Variants in CTBP2 observed in about 807,000 individuals in gnomAD.
The protein encoded by CTBP2 is C-terminal-binding protein 2.
In CTBP2, 30 loss-of-function variants were observed where a neutral mutation model predicts 80.3. The observed-to-expected ratio is 0.37, with a 90% CI of 0.28 to 0.51. The LOEUF (loss-of-function observed/expected upper bound fraction) is 0.51. Among genes scored for constraint, CTBP2 ranks in the 20% least tolerant of loss-of-function variants. CTBP2 has a pLI of 0.93. For missense variants in CTBP2, 1,212 were observed against 1,375.3 expected, an observed-to-expected ratio of 0.88 and a Z score of 1.88; for synonymous variants, 594 against 587.4, an observed-to-expected ratio of 1.01 and a Z score of -0.16.
chr10:125,046,537 C>CAA (rs57913854), intron 2 of CTBP2, among the ~76,000 whole-genome samples: 6 of 114,772 alleles, frequency 5.2e-5, no homozygotes, highest in African/African-American at 1.0e-4. Flanking sequence ...GACTCTATCT[C>CAA]AAAAAAAAAA....
At chr10:125,143,768 G>C (rs1858259698) in intron 1 of CTBP2, among the ~76,000 whole-genome samples, 1 of 152,064 alleles carries the variant, frequency 6.6e-6, no homozygotes, top group African/African-American at 2.4e-5. Flanking sequence ...TGTGAAAACA[G>C]ATAGGTATTC....
chr10:124,987,377 T>TAA lies in CTBP2; in HGVS notation c.*2139_*2140dup, dbSNP rs1952079527. 6.6e-6 allele frequency: 1 copy of TAA among 151,710 alleles called. No homozygotes were observed. The highest frequency in any genetic ancestry group is 1.5e-5 in the Non-Finnish European group (1 of 67,958). 9.4% of individuals were successfully genotyped at this position (151,710 alleles called of 1,614,324 possible). A position where few individuals can be genotyped will look rare whatever the true frequency, so the allele number is the denominator to read the frequency against. On this transcript the variant is annotated 3_prime_UTR_variant, in exon 9 of 9. Coordinates refer to ENST00000309035, the MANE Select transcript of CTBP2 (RefSeq NM_022802.3). ...GGGGTCAAATTTATATATATATATA[T>TAA]AAATTTTTGTTTGGGCGACCAAGAT...
upstream of CTBP2, among the ~76,000 whole-genome samples, chr10:125,031,863 T>C (rs986208886): frequency 3.3e-5 from 5 of 152,218 alleles, no homozygotes; most frequent in African/African-American, 1.2e-4. Context: ...GTCGAGTGTC[T>C]GAACCAACCC....
At chr10:125,022,610 GGGTCCTGGGGGCAGCCCGGAAGA>G (rs1174763786) in intron 1 of CTBP2, among the ~76,000 whole-genome samples, 2 of 152,244 alleles carry the variant, frequency 1.3e-5, no homozygotes, top group African/African-American at 4.8e-5. Context: ...CAGGACTCAG[GGGTCCTGGGGGCAGCCCGGAAGA>G]GGTTTCCTTG....
At chr10:125,088,472 C>T (rs1848319177) in intron 2 of CTBP2, among the ~76,000 whole-genome samples, 1 of 152,152 alleles carries the variant, frequency 6.6e-6, no homozygotes, top group African/African-American at 2.4e-5. Flanking sequence ...CTTCTAATAC[C>T]CGCCATGCAA....
At chr10:125,147,448 C>T (rs916489255) in intron 1 of CTBP2, among the ~76,000 whole-genome samples, 1 of 152,136 alleles carries the variant, frequency 6.6e-6, no homozygotes, top group African/African-American at 2.4e-5. Flanking sequence ...GTAGTAACAT[C>T]CCACAGACTA....
chr10:125,036,886 C>T (rs1472754453), intron 3 of CTBP2, among the ~76,000 whole-genome samples: 1 of 152,102 alleles, frequency 6.6e-6, no homozygotes, highest in Non-Finnish European at 1.5e-5. Context: ...TGCCACCTGT[C>T]CTGACCCATA....
chr10:125,066,456 G>A lies in CTBP2; in HGVS notation c.-101-27301C>T, dbSNP rs958946147. Among the ~76,000 whole-genome samples, 1 of 152,228 alleles carries A rather than the reference G, an allele frequency of 6.6e-6. No individual in the cohort carries two copies. Among genetic ancestry groups the A allele is most frequent in the Non-Finnish European group, 1.5e-5 (1 of 68,044 alleles). On this transcript the variant is annotated intron_variant, in intron 2 of 10. Coordinates refer to the CTBP2 transcript ENST00000337195. This position sits in a 1 kb window ranked among gnomAD's most constrained non-coding sequence, Gnocchi z 4.1. ...CGGAAGGCAAGCAGGGTGCGCAGATGTAACGGGGGAAGCAGGCACGGCCAA... is the reference window on the plus strand; with the variant it reads ...CGGAAGGCAAGCAGGGTGCGCAGATATAACGGGGGAAGCAGGCACGGCCAA...
At position 125,005,625 on chromosome 10, in the gene CTBP2, C is replaced by T. The variant is rs761300275; in HGVS notation, c.1679-2133G>A. On this transcript the variant is annotated intron_variant, in intron 1 of 8. Transcript: ENST00000309035. ...CCCCTCAGCTCATCCGCGAGATCCG[C>T]AACAGCACCGTCACCTGACGAGGAA... 5 of 1,612,794 alleles carry T rather than the reference C, an allele frequency of 3.1e-6. No individual in the cohort carries two copies. In the African/African-American group the frequency reaches 5.3e-5, roughly 17 times the overall value.
intron 2 of CTBP2, among the ~76,000 whole-genome samples, chr10:125,107,262 G>A (rs773076831): frequency 6.6e-6 from 1 of 152,224 alleles, no homozygotes; most frequent in Admixed American, 6.5e-5. Context: ...AAGGCCCTGT[G>A]GATCTTCCTC....
rs1407729851 is a variant in CTBP2 at position 125,038,763 on chromosome 10, C to G, written c.58+234G>C. ...GACATAGACCTCAGGGCCCACCAGC[C>G]CTGAAACTGTCCTCCTAGTCCCCAA... On this transcript the variant is annotated intron_variant, in intron 3 of 10. Coordinates refer to the CTBP2 transcript ENST00000337195. 2.6e-5 allele frequency among the ~76,000 whole-genome samples: 4 copies of G among 152,192 alleles called. No individual in the cohort carries two copies. The East Asian group carries it at 7.7e-4, about 29-fold the overall frequency.
chr10:124,992,877 C>A, intron 7 of CTBP2, 65 bp from the exon 10 acceptor site: 5 of 1,211,532 alleles, frequency 4.1e-6, no homozygotes, highest in Non-Finnish European at 5.9e-6. Flanking sequence ...CAACATTACA[C>A]CTGTAGCTGC....
intron 1 of CTBP2, among the ~76,000 whole-genome samples, chr10:125,014,257 C>T (rs1470808261): frequency 6.6e-6 from 1 of 152,152 alleles, no homozygotes; most frequent in African/African-American, 2.4e-5. Flanking sequence ...TGATAAGAAA[C>T]CTTGTCCTAA....
chr10:125,038,241 C>G (rs1959077940), intron 3 of CTBP2, among the ~76,000 whole-genome samples: 1 of 152,164 alleles, frequency 6.6e-6, no homozygotes, highest in Non-Finnish European at 1.5e-5. Context: ...GGGTCAGCTA[C>G]TAAACTTCAG....
intron 1 of CTBP2, among the ~76,000 whole-genome samples, chr10:125,007,129 T>C (rs1955349412): frequency 6.6e-6 from 1 of 152,246 alleles, no homozygotes; most frequent in South Asian, 2.1e-4. Flanking sequence ...ACCTGCCTTG[T>C]CCATTTCAGG....
chr10:125,131,265 A>C (rs956894862), intron 1 of CTBP2, among the ~76,000 whole-genome samples: 13 of 152,204 alleles, frequency 8.5e-5, no homozygotes, highest in African/African-American at 2.9e-4. Context: ...GAGCGTCTTC[A>C]TGGCTGCCAC....
intron 1 of CTBP2, among the ~76,000 whole-genome samples, chr10:125,018,623 CTCAG>C (rs1342094555): frequency 2.0e-5 from 3 of 152,200 alleles, no homozygotes; most frequent in African/African-American, 4.8e-5. Context: ...ATTTACTGAA[CTCAG>C]TCAGGGCCCT....
chr10:125,080,321 A>C (rs1353455924), intron 2 of CTBP2, among the ~76,000 whole-genome samples: 1 of 151,540 alleles, frequency 6.6e-6, no homozygotes, highest in Non-Finnish European at 1.5e-5. Context: ...GTCAACCAAG[A>C]CATCTGTCAC....
chr10:125,014,954 C>T (rs747624629), intron 1 of CTBP2, among the ~76,000 whole-genome samples: 11 of 152,188 alleles, frequency 7.2e-5, no homozygotes, highest in African/African-American at 2.4e-4. Flanking sequence ...GAAAAGTGAG[C>T]GTTCGTCAAC....
Sources: allele counts gnomAD v4.1 joint callset (sites outside exome capture counted in the v4.1 genomes callset), GRCh38; gene constraint gnomAD v4.1.1; non-coding constraint Gnocchi (gnomAD v3.1); transcripts MANE v1.5; gene names NCBI Gene and HGNC (gene_info 2026-07-23, HGNC 2026-07-21).